CELF2: variants seen among roughly 807,000 people sequenced by gnomAD.
CELF2 encodes CUGBP Elav-like family member 2.
A neutral mutation model predicts 62.6 loss-of-function variants in CELF2; 8 were observed. The ratio of observed to expected loss-of-function variants is 0.13; its 90% CI spans 0.07 to 0.23. The LOEUF is 0.23. CELF2 is among the 10% of genes least tolerant of loss of function. The probability of loss-of-function intolerance (pLI) is 1.00; values close to 1 mark genes in which losing one functional copy is unlikely to be tolerated. For synonymous variants in CELF2, 258 were observed against 250.0 expected (o/e 1.03, Z -0.30); for missense variants, 333 against 671.0 (o/e 0.50, Z 5.56).
At chr10:11,099,084 C>A (rs115399576) in intron 1 of CELF2, among the ~76,000 whole-genome samples, 27 of 152,336 alleles carry the variant, frequency 1.8e-4, no homozygotes, top group African/African-American at 6.5e-4. Context: ...CACACAGCGT[C>A]CCATCTTTCA....
In CELF2 at chr10:11,051,507, G is replaced by A. The variant is rs186087222; in HGVS notation, c.74+33344G>A. On this transcript the variant is annotated intron_variant, in intron 1 of 12. Coordinates refer to ENST00000633077, the MANE Select transcript of CELF2 (RefSeq NM_001326342.2). ...AAACAGCCCATGTTTATAAAACTCA[G>A]CCTGATGCCTGCCCGATCAAGTATT... Among the ~76,000 whole-genome samples, 9 of 152,254 alleles carry A rather than the reference G, an allele frequency of 5.9e-5. No homozygotes were observed. In the East Asian group the frequency reaches 1.7e-3, roughly 29 times the overall value.
the CELF2 span, among the ~76,000 whole-genome samples, chr10:10,486,467 C>T: frequency 1.3e-5 from 2 of 152,158 alleles, no homozygotes; most frequent in Admixed American, 1.3e-4. Flanking sequence ...ACATTTTACA[C>T]CATTGCATGC....
intron 2 of CELF2, among the ~76,000 whole-genome samples, chr10:10,980,242 G>T (rs142257078): frequency 6.6e-6 from 1 of 152,262 alleles, no homozygotes; most frequent in Admixed American, 6.5e-5. Context: ...CATCTCTGCT[G>T]GTGCTCCACT....
intron 4 of CELF2, among the ~76,000 whole-genome samples, chr10:11,251,390 GTCCAGTGTCCAC>G (rs2077112081): frequency 7.3e-6 from 1 of 136,420 alleles, no homozygotes; most frequent in Non-Finnish European, 1.5e-5. Flanking sequence ...TGTTCTTTCT[GTCCAGTGTCCAC>G]TGTGGTCCCT....
the CELF2 span, among the ~76,000 whole-genome samples, chr10:10,561,849 A>G: frequency 6.6e-6 from 1 of 152,216 alleles, no homozygotes; most frequent in South Asian, 2.1e-4. Context: ...AGAGACAGAG[A>G]ACAAGGGGTG....
chr10:10,713,015 A>G, the CELF2 span, among the ~76,000 whole-genome samples: 1 of 152,160 alleles, frequency 6.6e-6, no homozygotes, highest in African/African-American at 2.4e-5. Context: ...TACCTCCACC[A>G]TCCTTCCTGT....
the CELF2 span, among the ~76,000 whole-genome samples, chr10:10,517,036 G>C: frequency 6.6e-6 from 1 of 152,172 alleles, no homozygotes; most frequent in South Asian, 2.1e-4. Flanking sequence ...TACTAGAAGA[G>C]CTGTGTGGAA....
chr10:10,598,751 CTTTTTTTTTTTTT>C, the CELF2 span, among the ~76,000 whole-genome samples: 6 of 69,586 alleles, frequency 8.6e-5, no homozygotes, highest in Non-Finnish European at 1.5e-4. Context: ...CTTTTTCTTT[CTTTTTTTTTTTTT>C]TTTTTTTTTT....
At position 11,255,063 on chromosome 10, in the gene CELF2, C is replaced by T. The variant is rs556992338; in HGVS notation, c.404-2675C>T. On this transcript the variant is annotated intron_variant, in intron 4 of 12. Coordinates refer to ENST00000633077, the MANE Select transcript of CELF2 (RefSeq NM_001326342.2). The surrounding 1 kb of genome is among the most constrained non-coding windows in gnomAD (Gnocchi z 5.5). ...GGTGTGGACGGCCTGCAGGTACACTCGTTGCCCAGGGTATCTGGTGTCTCT... is the reference window on the plus strand; with the variant it reads ...GGTGTGGACGGCCTGCAGGTACACTTGTTGCCCAGGGTATCTGGTGTCTCT... Among the ~76,000 whole-genome samples, 127 of 152,326 alleles carry T rather than the reference C, an allele frequency of 8.3e-4. No homozygotes were observed. Among genetic ancestry groups the T allele is most frequent in the Non-Finnish European group, 1.0e-3 (69 of 68,022 alleles).
intron 1 of CELF2, among the ~76,000 whole-genome samples, chr10:10,895,138 C>A (rs1014194398): frequency 6.6e-6 from 1 of 152,108 alleles, no homozygotes; most frequent in Non-Finnish European, 1.5e-5. Context: ...CTGATAGATA[C>A]GTTAGAGTAC....
chr10:10,676,760 A>T, the CELF2 span, among the ~76,000 whole-genome samples: 1 of 152,142 alleles, frequency 6.6e-6, no homozygotes, highest in African/African-American at 2.4e-5. Flanking sequence ...TTGTCCTGTG[A>T]ACCTACTTCT....
At chr10:11,073,086 T>C (rs1038166023) in intron 1 of CELF2, among the ~76,000 whole-genome samples, 2 of 152,144 alleles carry the variant, frequency 1.3e-5, no homozygotes, top group African/African-American at 4.8e-5. Flanking sequence ...ATAATGCTAA[T>C]ATAATTATAC....
the CELF2 span, among the ~76,000 whole-genome samples, chr10:10,770,110 G>T: frequency 6.6e-6 from 1 of 152,080 alleles, no homozygotes; most frequent in South Asian, 2.1e-4. Context: ...AAACTTGAAG[G>T]TTTCTGATGA....
intron 2 of CELF2, among the ~76,000 whole-genome samples, chr10:11,208,655 T>G (rs1023772382): frequency 5.3e-5 from 8 of 152,200 alleles, no homozygotes; most frequent in African/African-American, 1.9e-4. Flanking sequence ...CTGGCCAGTT[T>G]TGTACAGAAT....
chr10:11,142,410 C>T (rs1207632817), intron 1 of CELF2, among the ~76,000 whole-genome samples: 6 of 152,026 alleles, frequency 3.9e-5, no homozygotes, highest in African/African-American at 1.4e-4. Flanking sequence ...CTGGGCTGGG[C>T]GCGGTGGCTC....
the CELF2 span, among the ~76,000 whole-genome samples, chr10:10,676,899 A>G: frequency 2.0e-5 from 3 of 152,344 alleles, no homozygotes; most frequent in Non-Finnish European, 4.4e-5. Context: ...ATAACCAAGA[A>G]TGCCAAATTA....
the CELF2 span, among the ~76,000 whole-genome samples, chr10:10,532,245 T>G: frequency 6.6e-6 from 1 of 152,256 alleles, no homozygotes; most frequent in Non-Finnish European, 1.5e-5. Flanking sequence ...TTTGGAAAGT[T>G]TTTAGTAATC....
rs2093206946 is a variant in CELF2 at position 11,296,567 on chromosome 10, T to C, written c.976+8015T>C. The stretch of plus-strand genomic sequence containing the variant: ...GTCACAACTTCCCAGAAGCGTATAC[T>C]GTAAGTTCCATTTCTTCAGACTTGA... On this transcript the variant is annotated intron_variant, in intron 9 of 12. Transcript: ENST00000633077. The surrounding 1 kb of genome is among the most constrained non-coding windows in gnomAD (Gnocchi z 5.0). Among the ~76,000 whole-genome samples the C allele has an allele frequency of 6.6e-6, 1 of 152,212 alleles. No homozygotes were observed. The highest frequency in any genetic ancestry group is 2.1e-4 in the South Asian group (1 of 4,824).
Position 11,005,598 on chromosome 10 carries a change from G to A in CELF2, c.53+158G>A, listed in dbSNP as rs963843897. Among the ~76,000 whole-genome samples, 6 of 152,186 alleles carry A rather than the reference G, an allele frequency of 3.9e-5. No individual in the cohort carries two copies. The South Asian group carries it at 6.2e-4, about 16-fold the overall frequency. On this transcript the variant is annotated intron_variant, in intron 1 of 12. Transcript: ENST00000416382. The surrounding 1 kb of genome is among the most constrained non-coding windows in gnomAD (Gnocchi z 4.3). ...AAGAGGGAGATGAAATCGAGACCCAGAGATTGGGAGAAAGAGAGAGCCAGC... is the reference window on the plus strand; with the variant it reads ...AAGAGGGAGATGAAATCGAGACCCAAAGATTGGGAGAAAGAGAGAGCCAGC...
Sources: allele counts gnomAD v4.1 joint callset (sites outside exome capture counted in the v4.1 genomes callset), GRCh38; gene constraint gnomAD v4.1.1; non-coding constraint Gnocchi (gnomAD v3.1); transcripts MANE v1.5; gene names NCBI Gene and HGNC (gene_info 2026-07-23, HGNC 2026-07-21).